Variants in CSTPP1 observed in about 807,000 individuals in gnomAD.
CSTPP1 encodes UPF0705 protein C11orf49.
chr11:47,026,018 A>G, the CSTPP1 span, among the ~76,000 whole-genome samples: 1 of 152,194 alleles, frequency 6.6e-6, no homozygotes, highest in Non-Finnish European at 1.5e-5. Context: ...TCTGCAGATG[A>G]CTGAGGGAGG....
chr11:46,954,014 G>C, the CSTPP1 span, among the ~76,000 whole-genome samples: 57 of 152,252 alleles, frequency 3.7e-4, no homozygotes, highest in Middle Eastern at 3.4e-3. Flanking sequence ...GCTACTGGGG[G>C]AAAGAAGAAA....
chr11:47,161,222 T>G, the CSTPP1 span: 1 of 1,614,116 alleles, frequency 6.2e-7, no homozygotes, highest in Non-Finnish European at 8.5e-7. Context: ...ACTGCCCCCT[T>G]GTGGGGGCCA....
At chr11:47,095,273 G>A in the CSTPP1 span, among the ~76,000 whole-genome samples, 3 of 152,166 alleles carry the variant, frequency 2.0e-5, no homozygotes, top group East Asian at 1.9e-4. Context: ...TGTTTCAGTT[G>A]CTAGTATTAG....
chr11:46,938,740 G>A, the CSTPP1 span, among the ~76,000 whole-genome samples: 7 of 144,156 alleles, frequency 4.9e-5, no homozygotes, highest in East Asian at 8.0e-4. Context: ...ATATTCCATT[G>A]TATGGATGTA....
chr11:47,086,616 G>C, the CSTPP1 span, among the ~76,000 whole-genome samples: 1 of 152,114 alleles, frequency 6.6e-6, no homozygotes, highest in Non-Finnish European at 1.5e-5. Context: ...AGTGGGTAAA[G>C]AAGACTTGAT....
the CSTPP1 span, chr11:47,157,107 G>A: frequency 1.2e-6 from 2 of 1,614,078 alleles, no homozygotes; most frequent in Non-Finnish European, 8.5e-7. Flanking sequence ...ACGTCGTCCA[G>A]TGGGCAGCAC....
the CSTPP1 span, among the ~76,000 whole-genome samples, chr11:47,036,457 A>T: frequency 8.5e-6 from 1 of 117,546 alleles, no homozygotes; most frequent in African/African-American, 2.6e-5. Flanking sequence ...ACAAGTATTA[A>T]ACTCTAATTA....
the CSTPP1 span, among the ~76,000 whole-genome samples, chr11:47,062,813 C>T: frequency 2.4e-3 from 365 of 152,302 alleles, 2 homozygotes; most frequent in African/African-American, 8.6e-3. Context: ...CAATTAGATG[C>T]CAATGTTTCA....
the CSTPP1 span, among the ~76,000 whole-genome samples, chr11:46,969,850 C>T: frequency 2.0e-5 from 3 of 152,196 alleles, no homozygotes; most frequent in East Asian, 1.9e-4. Context: ...CTGCAACCTC[C>T]GCCTCCTGGG....
At chr11:46,945,386 G>A in the CSTPP1 span, among the ~76,000 whole-genome samples, 24 of 152,216 alleles carry the variant, frequency 1.6e-4, no homozygotes, top group African/African-American at 3.9e-4. Context: ...AGGCTGAGGC[G>A]GGCAGATCAC....
the CSTPP1 span, among the ~76,000 whole-genome samples, chr11:47,026,833 G>A: frequency 1.3e-5 from 2 of 152,098 alleles, no homozygotes; most frequent in South Asian, 2.1e-4. Context: ...AGTTGAGATC[G>A]CAGCACCACA....
At chr11:46,942,894 G>A in the CSTPP1 span, among the ~76,000 whole-genome samples, 2 of 152,076 alleles carry the variant, frequency 1.3e-5, no homozygotes, top group African/African-American at 4.8e-5. Context: ...ATATTCCACA[G>A]CTTGTGTTTT....
the CSTPP1 span, chr11:47,041,275 G>T: frequency 3.8e-6 from 1 of 261,582 alleles, no homozygotes; most frequent in African/African-American, 2.2e-5. Context: ...TACTTGGCCA[G>T]CTCCTGGATC....
chr11:47,104,302 C>T, the CSTPP1 span, among the ~76,000 whole-genome samples: 1 of 152,206 alleles, frequency 6.6e-6, no homozygotes, highest in African/African-American at 2.4e-5. Context: ...ACCCCCAATA[C>T]TCCAATTTCA....
chr11:47,116,784 A>G, the CSTPP1 span, among the ~76,000 whole-genome samples: 1 of 139,174 alleles, frequency 7.2e-6, no homozygotes, highest in Non-Finnish European at 1.5e-5. Context: ...GGTTCACGCC[A>G]TTCTCCTGCC....
At chr11:46,936,795 C>G in the CSTPP1 span, 3 of 1,610,640 alleles carry the variant, frequency 1.9e-6, no homozygotes, top group South Asian at 3.3e-5. Flanking sequence ...TGAAGCCACC[C>G]CGGTCAAAGG....
chr11:47,041,465 A>G, the CSTPP1 span: 1 of 302,912 alleles, frequency 3.3e-6, no homozygotes, highest in South Asian at 2.6e-5. Flanking sequence ...GCATGTCTGT[A>G]AGATAAAGGG....
chr11:46,977,616 G>T, the CSTPP1 span, among the ~76,000 whole-genome samples: 1 of 152,206 alleles, frequency 6.6e-6, no homozygotes, highest in African/African-American at 2.4e-5. Flanking sequence ...TAGGCTTTCA[G>T]CAAAGCTGTT....
the CSTPP1 span, among the ~76,000 whole-genome samples, chr11:47,071,728 T>C: frequency 2.0e-5 from 3 of 152,206 alleles, no homozygotes; most frequent in Admixed American, 6.5e-5. Flanking sequence ...CAGATAAAGA[T>C]AGAAAATAGG....
Sources: gnomAD v4.1 joint callset for allele counts (sites outside exome capture counted in the v4.1 genomes callset) on GRCh38, gnomAD v4.1.1 for gene constraint, MANE v1.5 for transcripts, NCBI Gene and HGNC (gene_info 2026-07-23, HGNC 2026-07-21) for gene names.